Variants in ODAD4 observed in about 807,000 individuals in gnomAD.
ODAD4 encodes outer dynein arm docking complex subunit 4.
In ODAD4, 49 loss-of-function variants were observed where a neutral mutation model predicts 51.8. The ratio of observed to expected loss-of-function variants is 0.95; its 90% CI spans 0.75 to 1.20. ODAD4 has a LOEUF of 1.20. Among genes scored for constraint, ODAD4 ranks in the 50% most tolerant of loss-of-function variants. The pLI is 0.00. For missense variants in ODAD4, 590 were observed against 586.5 expected, an observed-to-expected ratio of 1.01 and a Z score of -0.06; for synonymous variants, 235 against 221.3, an observed-to-expected ratio of 1.06 and a Z score of -0.55.
At chr17:41,948,201 C>T (rs2050611626) in intron 8 of ODAD4, among the ~76,000 whole-genome samples, 1 of 151,842 alleles carries the variant, frequency 6.6e-6, no homozygotes. Flanking sequence ...TCAGTCTCAC[C>T]ACCCAAAGAC....
At chr17:41,942,382 C>T (rs782584719) in intron 7 of ODAD4, among the ~76,000 whole-genome samples, 1 of 151,774 alleles carries the variant, frequency 6.6e-6, no homozygotes, top group African/African-American at 2.4e-5. Flanking sequence ...TTTCAGTGCC[C>T]ACGGCACTCA....
intron 9 of ODAD4, among the ~76,000 whole-genome samples, chr17:41,953,793 G>T (rs1168620116): frequency 1.3e-5 from 2 of 151,876 alleles, no homozygotes; most frequent in African/African-American, 4.8e-5. Context: ...TCAGCCTCCC[G>T]AGTAGCTGGG....
intron 9 of ODAD4, among the ~76,000 whole-genome samples, chr17:41,953,410 T>G (rs1385327452): frequency 6.6e-6 from 1 of 152,012 alleles, no homozygotes; most frequent in African/African-American, 2.4e-5. Context: ...ATTTTCCCCA[T>G]GGGTCTCAAA....
At chr17:41,952,954 C>G (rs1567936783) in intron 9 of ODAD4, among the ~76,000 whole-genome samples, 1 of 151,722 alleles carries the variant, frequency 6.6e-6, no homozygotes, top group Non-Finnish European at 1.5e-5. Flanking sequence ...CCAGGTTGTT[C>G]TGGAACTCCT....
chr17:41,930,688 A>T lies in ODAD4; in HGVS notation c.-36A>T. On this transcript the variant is annotated 5_prime_UTR_variant, in exon 1 of 12. The change abolishes the stop of an existing upstream ORF in the 5' untranslated region. Transcript: ENST00000377540. ...ATAGAGGTTCTCCAGCTTTTCTTTG[A>T]TTGTCTCTGCTTTAGCGTCTCTAAA... 7.3e-7 allele frequency: 1 copy of T among 1,377,176 alleles called. No individual in the cohort carries two copies. The highest frequency in any genetic ancestry group is 1.0e-6 in the Non-Finnish European group (1 of 980,210). 85.3% of individuals were successfully genotyped at this position (1,377,176 alleles called of 1,614,324 possible).
intron 9 of ODAD4, chr17:41,952,598 G>T (rs374484191): frequency 2.5e-4 from 107 of 424,394 alleles, no homozygotes; most frequent in African/African-American, 1.6e-3. Flanking sequence ...AATCCTGAAT[G>T]ATTTACTCTC....
intron 10 of ODAD4, among the ~76,000 whole-genome samples, chr17:41,958,684 TA>T (rs1439141171): frequency 7.9e-6 from 1 of 126,698 alleles, no homozygotes; most frequent in African/African-American, 3.0e-5. Flanking sequence ...AAAAAGTAAA[TA>T]AAATGTAAAA....
chr17:41,958,660 CAA>C (rs544794329), intron 10 of ODAD4, among the ~76,000 whole-genome samples: 12 of 58,060 alleles, frequency 2.1e-4, no homozygotes, highest in Admixed American at 4.1e-4. Context: ...AACTCCATCT[CAA>C]AAAAAAAAAA....
intron 7 of ODAD4, 105 bp downstream of exon 7, chr17:41,939,277 G>T: frequency 3.6e-6 from 4 of 1,117,352 alleles, no homozygotes; most frequent in Non-Finnish European, 5.0e-6. Context: ...CCCATTTTCT[G>T]CTCTGCATGC....
intron 10 of ODAD4, among the ~76,000 whole-genome samples, chr17:41,955,572 G>GC (rs879971050): frequency 6.6e-6 from 1 of 151,864 alleles, no homozygotes; most frequent in African/African-American, 2.4e-5. Context: ...GACTACAGGC[G>GC]CCCCCCACCA....
chr17:41,937,014 A>G (rs1555637960), intron 5 of ODAD4, 87 bp downstream of exon 5: 3 of 1,463,936 alleles, frequency 2.0e-6, no homozygotes, highest in East Asian at 2.3e-5. Flanking sequence ...AGAACCTGTC[A>G]TATAATATTA....
intron 10 of ODAD4, among the ~76,000 whole-genome samples, chr17:41,957,547 A>T (rs1000665428): frequency 2.0e-5 from 3 of 152,110 alleles, no homozygotes; most frequent in African/African-American, 7.2e-5. Flanking sequence ...TTGCAGTTTG[A>T]AAAATACCAC....
intron 7 of ODAD4, among the ~76,000 whole-genome samples, chr17:41,944,423 CACACACACACACACACA>C (rs1567932942): frequency 0.015 from 126 of 8,214 alleles, 2 homozygotes; most frequent in African/African-American, 0.023. Flanking sequence ...CACACACACA[CACACACACACACACACA>C]CACACCCCCC....
In ODAD4 at chr17:41,966,118, G is replaced by C. The variant is rs1196689531; in HGVS notation, c.*635G>C. 6.6e-6 allele frequency among the ~76,000 whole-genome samples: 1 copy of C among 152,232 alleles called. No homozygotes were observed. Among genetic ancestry groups the C allele is most frequent in the African/African-American group, 2.4e-5 (1 of 41,454 alleles). On this transcript the variant is annotated 3_prime_UTR_variant, in exon 12 of 12. Coordinates refer to ENST00000377540, the MANE Select transcript of ODAD4 (RefSeq NM_031421.5). ...CCTCAGGGGTTGCTGCGAGGACTGA[G>C]TGCTTAGCACAGCACTTGGACAGGA... is the stretch of plus-strand genomic sequence containing the variant.
At chr17:41,946,575 A>G (rs1025006543) in intron 8 of ODAD4, among the ~76,000 whole-genome samples, 4 of 152,152 alleles carry the variant, frequency 2.6e-5, no homozygotes, top group Non-Finnish European at 5.9e-5. Flanking sequence ...TTCACCCGCC[A>G]TGGCGTCCCA....
In ODAD4 at chr17:41,948,321, C is replaced by CTTTT. The variant is rs1259244820; in HGVS notation, c.1146-822_1146-819dup. On this transcript the variant is annotated intron_variant, in intron 8 of 11. Transcript: ENST00000377540. ...TCTTAGTAATTTTTTTCTTTCTTTC[C>CTTTT]TTTTTTTTTTTTTGAGACAGGGTCT... Among the ~76,000 whole-genome samples, 7 of 139,270 alleles carry CTTTT rather than the reference C, an allele frequency of 5.0e-5. No homozygotes were observed. The South Asian group carries it at 8.8e-4, about 17-fold the overall frequency. 91.4% of individuals were successfully genotyped at this position (139,270 alleles called of 152,430 possible).
rs1163506377 is a variant in ODAD4, at chr17:41,965,815, A to T, written c.*332A>T. On this transcript the variant is annotated 3_prime_UTR_variant, in exon 12 of 12. Transcript: ENST00000377540. ...AGGAGAGGGGAAGGCCTGGGAGGAG[A>T]GGTGCTTCCCACACACCGGTGACTG... 4.6e-5 allele frequency among the ~76,000 whole-genome samples: 7 copies of T among 152,030 alleles called. No homozygotes were observed. The highest frequency in any genetic ancestry group is 1.7e-4 in the African/African-American group (7 of 41,406).
At chr17:41,934,038 C>CTTTTT (rs782039270) in intron 1 of ODAD4, among the ~76,000 whole-genome samples, 1,479 of 65,566 alleles carry the variant, frequency 0.023, 10 homozygotes, top group Non-Finnish European at 0.025. Context: ...TTCTTTCTTT[C>CTTTTT]TTTTTTTTTT....
At chr17:41,954,109 C>T (rs2050695805) in intron 9 of ODAD4, among the ~76,000 whole-genome samples, 1 of 152,022 alleles carries the variant, frequency 6.6e-6, no homozygotes, top group Non-Finnish European at 1.5e-5. Context: ...CCTCAGCCTC[C>T]CGAGTAGCTG....
Sources: allele counts gnomAD v4.1 joint callset (sites outside exome capture counted in the v4.1 genomes callset), GRCh38; gene constraint gnomAD v4.1.1; transcripts MANE v1.5; gene names NCBI Gene and HGNC (gene_info 2026-07-23, HGNC 2026-07-21).